Variants in PCDH11X observed in about 807,000 individuals in gnomAD.
PCDH11X encodes the protein protocadherin-11 X-linked.
A neutral mutation model predicts 53.3 loss-of-function variants in PCDH11X; 18 were observed. That is an observed-to-expected ratio of 0.34 (90% confidence interval 0.23 to 0.50). The LOEUF (loss-of-function observed/expected upper bound fraction) is 0.50, where lower values mean the gene tolerates loss of function less well. PCDH11X is among the 20% of genes least tolerant of loss of function. PCDH11X has a pLI of 0.98. For missense variants in PCDH11X, 570 were observed against 1,032.4 expected (o/e 0.55, Z 6.14); for synonymous variants, 279 against 393.3 (o/e 0.71, Z 3.44).
intron 6 of PCDH11X, among the ~76,000 whole-genome samples, chrX:92,194,237 A>G (rs2066253104): frequency 8.9e-6 from 1 of 112,075 alleles, no homozygotes; most frequent in Non-Finnish European, 1.9e-5. Context: ...GGTGAAAATA[A>G]GAAATAATCC....
chrX:92,194,651 C>A (rs768228153), intron 6 of PCDH11X, among the ~76,000 whole-genome samples: 1 of 105,176 alleles, frequency 9.5e-6, no homozygotes, highest in South Asian at 4.0e-4. Context: ...TATATATCAT[C>A]TGAGAAATAA....
At chrX:92,557,841 TGAATAATTTATAAAGG>T (rs2033678020) in intron 10 of PCDH11X, among the ~76,000 whole-genome samples, 1 of 107,305 alleles carries the variant, frequency 9.3e-6, no homozygotes, top group Non-Finnish European at 1.9e-5. Flanking sequence ...AAACCTAGGG[TGAATAATTTATAAAGG>T]GAAGAGGTTT....
intron 10 of PCDH11X, among the ~76,000 whole-genome samples, chrX:92,578,470 C>T (rs1183360217): frequency 1.8e-5 from 2 of 109,536 alleles, no homozygotes; most frequent in Non-Finnish European, 3.8e-5. Flanking sequence ...ACTAGCTCTT[C>T]TTGTTGATTT....
intron 6 of PCDH11X, among the ~76,000 whole-genome samples, chrX:92,008,470 C>G (rs2062636986): frequency 9.0e-6 from 1 of 111,063 alleles, no homozygotes; most frequent in African/African-American, 3.3e-5. Context: ...TGTGTTTTCT[C>G]TCCTTCGGTG....
intron 6 of PCDH11X, among the ~76,000 whole-genome samples, chrX:92,025,874 AT>A (rs956759043): frequency 9.1e-6 from 1 of 110,177 alleles, no homozygotes; most frequent in African/African-American, 3.3e-5. Context: ...CTATGCAACC[AT>A]AAAAAAGAAG....
chrX:92,545,387 CTTTTTTTTTTTTTTT>C (rs566573698), intron 10 of PCDH11X, among the ~76,000 whole-genome samples: 12 of 66,043 alleles, frequency 1.8e-4, no homozygotes, highest in Non-Finnish European at 2.6e-4. Context: ...GGTTAAATTC[CTTTTTTTTTTTTTTT>C]TTTTTTTTTT....
chrX:92,389,488 A>G (rs1417794981), intron 9 of PCDH11X, among the ~76,000 whole-genome samples: 1 of 111,232 alleles, frequency 9.0e-6, no homozygotes, highest in African/African-American at 3.3e-5. Context: ...GAGTTGATTC[A>G]TTTGTACATG....
intron 10 of PCDH11X, among the ~76,000 whole-genome samples, chrX:92,548,143 A>AT (rs745393424): frequency 1.9e-5 from 2 of 107,863 alleles, no homozygotes; most frequent in Admixed American, 1.0e-4. Context: ...CTGCAATTCT[A>AT]TTTTTTTTAA....
intron 6 of PCDH11X, among the ~76,000 whole-genome samples, chrX:91,931,346 G>A (rs1326173751): frequency 9.0e-6 from 1 of 111,021 alleles, no homozygotes; most frequent in African/African-American, 3.3e-5. Flanking sequence ...TAATTATGTT[G>A]AAAATAGTCT....
At chrX:92,229,031 C>T (rs1003697044) in intron 7 of PCDH11X, among the ~76,000 whole-genome samples, 3 of 111,609 alleles carry the variant, frequency 2.7e-5, no homozygotes, top group African/African-American at 9.7e-5. Flanking sequence ...CATTAAAAAT[C>T]GCAAATCTCC....
chrX:92,534,289 G>T (rs2074614959), intron 10 of PCDH11X, among the ~76,000 whole-genome samples: 1 of 111,262 alleles, frequency 9.0e-6, no homozygotes, highest in Admixed American at 9.6e-5. Flanking sequence ...CGATCAAGTG[G>T]AAGAAAGGGT....
At chrX:92,474,869 T>C (rs1460718078) in intron 10 of PCDH11X, among the ~76,000 whole-genome samples, 1 of 110,015 alleles carries the variant, frequency 9.1e-6, no homozygotes, top group Non-Finnish European at 1.9e-5. Flanking sequence ...TTTCTACTTA[T>C]GATAAGAATA....
At chrX:91,781,350 CAT>C (rs1935135984) in intron 1 of PCDH11X, among the ~76,000 whole-genome samples, 1 of 111,060 alleles carries the variant, frequency 9.0e-6, no homozygotes, top group African/African-American at 3.3e-5. Flanking sequence ...GCGATGGTGT[CAT>C]AGCAGTCGCC....
intron 6 of PCDH11X, among the ~76,000 whole-genome samples, chrX:91,903,602 A>C (rs1941033886): frequency 9.2e-6 from 1 of 109,171 alleles, no homozygotes; most frequent in Admixed American, 1.0e-4. Context: ...CTATTTACAT[A>C]ACATGATTAA....
chrX:92,311,608 G>T (rs1379988643), intron 8 of PCDH11X, among the ~76,000 whole-genome samples: 1 of 110,705 alleles, frequency 9.0e-6, no homozygotes, highest in African/African-American at 3.3e-5. Context: ...ACCACATTTG[G>T]CAATTGAAAG....
chrX:92,054,973 C>G (rs1420878624), intron 6 of PCDH11X, among the ~76,000 whole-genome samples: 3 of 83,872 alleles, frequency 3.6e-5, no homozygotes, highest in Non-Finnish European at 4.5e-5. Flanking sequence ...TAAATATATA[C>G]TTTAGAGAAA....
At chrX:92,427,285 A>T (rs772714468) in intron 9 of PCDH11X, among the ~76,000 whole-genome samples, 1 of 102,188 alleles carries the variant, frequency 9.8e-6, no homozygotes, top group South Asian at 4.9e-4. Context: ...AATTTTTTCT[A>T]GTTTAAAAAA....
chrX:91,952,428 C>A (rs1308527037), intron 6 of PCDH11X, among the ~76,000 whole-genome samples: 2 of 111,556 alleles, frequency 1.8e-5, no homozygotes, highest in African/African-American at 6.5e-5. Flanking sequence ...TAAAACTTTC[C>A]ATTCTAGCTG....
intron 6 of PCDH11X, among the ~76,000 whole-genome samples, chrX:91,931,902 G>T (rs947827600): frequency 1.8e-5 from 2 of 111,030 alleles, no homozygotes; most frequent in Non-Finnish European, 3.8e-5. Flanking sequence ...TGCCATGGTG[G>T]TTTGCTGCAC....
Sources: gnomAD v4.1 joint callset for allele counts (sites outside exome capture counted in the v4.1 genomes callset) on GRCh38, gnomAD v4.1.1 for gene constraint, MANE v1.5 for transcripts, NCBI Gene and HGNC (gene_info 2026-07-23, HGNC 2026-07-21) for gene names.